COL26A1: variants seen among roughly 807,000 people sequenced by gnomAD.
COL26A1 encodes collagen alpha-1(XXVI) chain.
COL26A1 carries 41 observed loss-of-function variants against 59.3 expected under a neutral mutation model. That is an observed-to-expected ratio of 0.69 (90% CI 0.54 to 0.90). The LOEUF is 0.90. COL26A1 is among the 40% of genes least tolerant of loss of function. COL26A1 has a pLI of 0.00. For synonymous variants in COL26A1, 266 were observed against 256.0 expected (o/e 1.04, Z -0.37); for missense variants, 612 against 602.3 (o/e 1.02, Z -0.17).
intron 1 of COL26A1, among the ~76,000 whole-genome samples, chr7:101,371,684 T>TG (rs1168189534): frequency 6.6e-6 from 1 of 152,036 alleles, no homozygotes; most frequent in Non-Finnish European, 1.5e-5. Context: ...CCCAGGTATT[T>TG]GGGAGGCTAA....
intron 1 of COL26A1, among the ~76,000 whole-genome samples, chr7:101,386,520 A>G (rs1291355787): frequency 6.6e-6 from 1 of 151,970 alleles, no homozygotes; most frequent in Non-Finnish European, 1.5e-5. Context: ...TTCTCGTTTC[A>G]CGCACTTCAT....
chr7:101,417,870 T>C (rs907359483), intron 1 of COL26A1, among the ~76,000 whole-genome samples: 1 of 152,006 alleles, frequency 6.6e-6, no homozygotes, highest in South Asian at 2.1e-4. Flanking sequence ...TACAGGTGTG[T>C]GCCACCAAGC....
chr7:101,455,291 G>A (rs1410730881), intron 3 of COL26A1, among the ~76,000 whole-genome samples: 1 of 151,652 alleles, frequency 6.6e-6, no homozygotes, highest in Non-Finnish European at 1.5e-5. Context: ...CAATCCACCT[G>A]CCTAGACCTC....
intron 2 of COL26A1, among the ~76,000 whole-genome samples, chr7:101,436,417 G>T (rs1792915983): frequency 6.6e-6 from 1 of 152,314 alleles, no homozygotes; most frequent in Admixed American, 6.5e-5. Context: ...CCCTCGTGGG[G>T]GTTCCTAGTG....
intron 2 of COL26A1, among the ~76,000 whole-genome samples, chr7:101,421,922 T>C (rs1792531088): frequency 6.6e-6 from 1 of 152,152 alleles, no homozygotes; most frequent in South Asian, 2.1e-4. Context: ...ATGCTTCACT[T>C]GAGACCCCTA....
intron 1 of COL26A1, among the ~76,000 whole-genome samples, chr7:101,416,422 A>G (rs1792371865): frequency 7.0e-6 from 1 of 143,606 alleles, no homozygotes; most frequent in Non-Finnish European, 1.6e-5. Context: ...GGCATGAGCT[A>G]CCACACCCAG....
intron 1 of COL26A1, among the ~76,000 whole-genome samples, chr7:101,380,276 T>C (rs10250845): frequency 0.061 from 9,091 of 148,860 alleles, 639 homozygotes; most frequent in African/African-American, 0.16. Context: ...AGGCGTAAGC[T>C]ACTGCACCCA....
At chr7:101,380,155 C>T (rs918650576) in intron 1 of COL26A1, among the ~76,000 whole-genome samples, 9 of 151,976 alleles carry the variant, frequency 5.9e-5, no homozygotes, top group African/African-American at 2.2e-4. Context: ...CCATAGCTGG[C>T]TAATTTTTGT....
intron 3 of COL26A1, among the ~76,000 whole-genome samples, chr7:101,503,989 T>C (rs556423217): frequency 5.4e-4 from 82 of 152,356 alleles, no homozygotes; most frequent in African/African-American, 1.9e-3. Context: ...TTCTCTCTGC[T>C]GCGAGCTCAG....
At chr7:101,537,817 C>T (rs1371003003) in intron 4 of COL26A1, among the ~76,000 whole-genome samples, 2 of 152,140 alleles carry the variant, frequency 1.3e-5, no homozygotes, top group Admixed American at 1.3e-4. Context: ...ACCCTAGCCT[C>T]CCCACACCAT....
chr7:101,382,685 T>C (rs1048223092), intron 1 of COL26A1, among the ~76,000 whole-genome samples: 2 of 152,176 alleles, frequency 1.3e-5, no homozygotes, highest in Non-Finnish European at 2.9e-5. Flanking sequence ...AAAATCATCT[T>C]TTCTAGGTTT....
At chr7:101,446,046 CAAAAAAAAAAAAA>C (rs60343304) in intron 2 of COL26A1, among the ~76,000 whole-genome samples, 14 of 51,000 alleles carry the variant, frequency 2.7e-4, no homozygotes, top group Non-Finnish European at 4.2e-4. Context: ...GACTCCGTCT[CAAAAAAAAAAAAA>C]AAAAAAAAAA....
rs150448447 is a variant in COL26A1, at chr7:101,411,938, A to G, written c.159-8039A>G. On this transcript the variant is annotated intron_variant, in intron 1 of 12. Coordinates refer to ENST00000313669, the MANE Select transcript of COL26A1 (RefSeq NM_001278563.3). ...GGACAACAGAACAAGACTCCATTCC[A>G]AAACAAAACAAAAGAAAAAACAAAA... Among the ~76,000 whole-genome samples the G allele has an allele frequency of 2.0e-5, 3 of 152,302 alleles. No homozygotes were observed. In the East Asian group the frequency reaches 5.8e-4, roughly 29 times the overall value.
At chr7:101,387,794 G>T (rs1230729696) in intron 1 of COL26A1, among the ~76,000 whole-genome samples, 2 of 92,200 alleles carry the variant, frequency 2.2e-5, no homozygotes, top group Non-Finnish European at 2.2e-5. Flanking sequence ...TTTTAAGACA[G>T]AGTCTCACTG....
chr7:101,436,468 A>T (rs185802898), intron 2 of COL26A1, among the ~76,000 whole-genome samples: 48 of 152,164 alleles, frequency 3.2e-4, no homozygotes, highest in Non-Finnish European at 5.0e-4. Context: ...GCGGGCAGGC[A>T]TGGAGGCTGA....
intron 1 of COL26A1, among the ~76,000 whole-genome samples, chr7:101,409,839 C>T (rs796107857): frequency 1.6e-4 from 25 of 152,248 alleles, no homozygotes; most frequent in African/African-American, 5.5e-4. Context: ...CTGCTCACAG[C>T]AACCTCCACC....
In COL26A1 at chr7:101,536,679, G is replaced by A. The variant is rs115433605; in HGVS notation, c.448-3214G>A. On this transcript the variant is annotated intron_variant, in intron 4 of 12. Transcript: ENST00000313669. ...GACAAGAAGTCTGCTTTGGTATGTCGGGAAGGAGGCAAATGAGAGAAACCT... is the reference window on the plus strand; with the variant it reads ...GACAAGAAGTCTGCTTTGGTATGTCAGGAAGGAGGCAAATGAGAGAAACCT... Among the ~76,000 whole-genome samples the A allele has an allele frequency of 8.6e-3, 1,313 of 152,298 alleles. 21 individuals are homozygous for A. The highest frequency in any genetic ancestry group is 0.03 in the African/African-American group (1,265 of 41,552).
intron 1 of COL26A1, among the ~76,000 whole-genome samples, chr7:101,412,518 A>G (rs1007813406): frequency 6.6e-6 from 1 of 151,984 alleles, no homozygotes; most frequent in Admixed American, 6.6e-5. Flanking sequence ...GGTGGTGTGC[A>G]CCTGTAATCC....
At chr7:101,475,188 T>C (rs567374078) in intron 3 of COL26A1, among the ~76,000 whole-genome samples, 24 of 151,136 alleles carry the variant, frequency 1.6e-4, no homozygotes, top group African/African-American at 5.4e-4. Context: ...AGAGCAAGAC[T>C]CTGTCTCAAA....
Sources: gnomAD v4.1 joint callset for allele counts (sites outside exome capture counted in the v4.1 genomes callset) on GRCh38, gnomAD v4.1.1 for gene constraint, MANE v1.5 for transcripts, NCBI Gene and HGNC (gene_info 2026-07-23, HGNC 2026-07-21) for gene names.